Variants in TPO observed in about 807,000 individuals in gnomAD.
TPO encodes thyroid microsomal antigen.
A neutral mutation model predicts 96.9 loss-of-function variants in TPO; 78 were observed. The ratio of observed to expected loss-of-function variants is 0.81; its 90% CI spans 0.67 to 0.97. TPO has a LOEUF of 0.97. TPO is among the 50% of genes least tolerant of loss of function. The pLI is 0.00. For missense variants in TPO, 1,252 were observed against 1,274.8 expected, an observed-to-expected ratio of 0.98 and a Z score of 0.27; for synonymous variants, 547 against 538.0, an observed-to-expected ratio of 1.02 and a Z score of -0.23.
intron 14 of TPO, among the ~76,000 whole-genome samples, chr2:1,516,232 A>G (rs1674689074): frequency 1.3e-5 from 2 of 152,108 alleles, no homozygotes; most frequent in Non-Finnish European, 2.9e-5. Flanking sequence ...CCTCTGTCCC[A>G]TCAGGCCTGC....
In TPO at chr2:1,509,744, G is replaced by GGATACCCCACCCTCTTGTTTCAGC. The variant is rs1573481959; in HGVS notation, c.2518+5667_2518+5668insTACCCCACCCTCTTGTTTCAGCGA. ...GGCACAGCCCACCCTCTTGTTTCAGGGACACCCCACCCCCTTCTTTCAGGG... is the reference window on the plus strand; with the variant it reads ...GGCACAGCCCACCCTCTTGTTTCAGGGATACCCCACCCTCTTGTTTCAGCGACACCCCACCCCCTTCTTTCAGGG... On this transcript the variant is annotated intron_variant, in intron 14 of 16. Transcript: ENST00000329066. 7.0e-5 allele frequency among the ~76,000 whole-genome samples: 10 copies of GGATACCCCACCCTCTTGTTTCAGC among 141,906 alleles called. No homozygotes were observed. In the South Asian group the frequency reaches 1.1e-3, roughly 16 times the overall value. The allele number at this position is 141,906 out of a possible 152,430, so 93.1% of individuals were successfully genotyped here.
At chr2:1,460,369 T>C (rs942838180) in intron 7 of TPO, among the ~76,000 whole-genome samples, 1 of 152,176 alleles carries the variant, frequency 6.6e-6, no homozygotes, top group Admixed American at 6.5e-5. Context: ...CCCAGCTAAG[T>C]GGCTCCCCAG....
At chr2:1,456,000 G>T in intron 6 of TPO, 76 bp from the exon 7 acceptor site, 1 of 1,443,024 alleles carries the variant, frequency 6.9e-7, no homozygotes, top group East Asian at 2.4e-5. Context: ...ACCAGGAAGT[G>T]CATGATCCCA....
Position 1,495,882 on chromosome 2 carries a change from G to A in TPO, c.2007-107G>A, listed in dbSNP as rs28991286. 1,965 of 1,295,908 alleles carry A rather than the reference G, an allele frequency of 1.5e-3. 49 individuals are homozygous for A. The East Asian group carries it at 0.043, about 28-fold the overall frequency. 80.3% of individuals were successfully genotyped at this position (1,295,908 alleles called of 1,614,324 possible). Reference sequence around the variant, plus strand: ...CCGGGTGCTGGGGGTCTGGGCAGACGCCGCAGGAGAGGCTGGCAGCACACA... The same window carrying A: ...CCGGGTGCTGGGGGTCTGGGCAGACACCGCAGGAGAGGCTGGCAGCACACA... On this transcript the variant is annotated intron_variant, in intron 11 of 16. Transcript: ENST00000329066.
chr2:1,470,561 T>C (rs1669305331), intron 7 of TPO, among the ~76,000 whole-genome samples: 1 of 150,666 alleles, frequency 6.6e-6, no homozygotes, highest in Non-Finnish European at 1.5e-5. Flanking sequence ...TTCTATATTT[T>C]ATTTTAAACA....
At chr2:1,381,220 C>A (rs1378470564) in intron 1 of TPO, among the ~76,000 whole-genome samples, 1 of 152,124 alleles carries the variant, frequency 6.6e-6, no homozygotes, top group Admixed American at 6.5e-5. Context: ...TCAGAGTGAA[C>A]AGGCAACCTA....
intron 10 of TPO, among the ~76,000 whole-genome samples, chr2:1,488,780 C>T (rs1315666090): frequency 6.6e-6 from 1 of 152,340 alleles, no homozygotes; most frequent in East Asian, 1.9e-4. Flanking sequence ...TGCCCCGTCC[C>T]TGGGCCTTCC....
chr2:1,513,827 T>C (rs1252856923), intron 14 of TPO, among the ~76,000 whole-genome samples: 1 of 152,122 alleles, frequency 6.6e-6, no homozygotes, highest in East Asian at 1.9e-4. Context: ...ATATATAGTT[T>C]TAGGTACAGA....
upstream of TPO, among the ~76,000 whole-genome samples, chr2:1,408,775 C>T (rs987089775): frequency 1.3e-5 from 2 of 152,278 alleles, no homozygotes; most frequent in Admixed American, 6.5e-5. Flanking sequence ...AGGAAGGACA[C>T]GGGGAAATGC....
At chr2:1,420,863 T>A (rs778253603) in intron 2 of TPO, among the ~76,000 whole-genome samples, 1 of 151,912 alleles carries the variant, frequency 6.6e-6, no homozygotes, top group Non-Finnish European at 1.5e-5. Flanking sequence ...TATGGGGAAA[T>A]TCACACCACA....
At chr2:1,455,922 C>T (rs1667743253) in intron 6 of TPO, among the ~76,000 whole-genome samples, 154 bp from the exon 7 acceptor site, 2 of 152,266 alleles carry the variant, frequency 1.3e-5, no homozygotes, top group South Asian at 2.1e-4. Flanking sequence ...AAAGCTTATG[C>T]TCCTCCTGCC....
intron 15 of TPO, among the ~76,000 whole-genome samples, chr2:1,523,290 CCCCAAATCCCCCCACTGTGAGCAACCT>C (rs1675605282): frequency 1.6e-5 from 1 of 60,700 alleles, no homozygotes; most frequent in Non-Finnish European, 3.3e-5. Flanking sequence ...TGAGCAACCT[CCCCAAATCCCCCCACTGTGAGCAACCT>C]CCCCAAATCC....
At chr2:1,492,406 C>T (rs990219214) in intron 10 of TPO, among the ~76,000 whole-genome samples, 1 of 152,176 alleles carries the variant, frequency 6.6e-6, no homozygotes, top group Non-Finnish European at 1.5e-5. Context: ...CCGCCCGCCT[C>T]GGCCTCCAAA....
At chr2:1,437,837 G>T (rs1363393293) in intron 5 of TPO, among the ~76,000 whole-genome samples, 1 of 142,784 alleles carries the variant, frequency 7.0e-6, no homozygotes, top group African/African-American at 3.0e-5. Context: ...CTGAAGCCTG[G>T]GGGGGGGTCT....
At chr2:1,533,425 G>A (rs1323617416) in intron 15 of TPO, among the ~76,000 whole-genome samples, 1 of 78,724 alleles carries the variant, frequency 1.3e-5, no homozygotes, top group African/African-American at 5.2e-5. Context: ...CCCCCCAAAT[G>A]TGTGCAACCT....
At chr2:1,435,142 C>T (rs901472714) in intron 4 of TPO, among the ~76,000 whole-genome samples, 3 of 152,136 alleles carry the variant, frequency 2.0e-5, no homozygotes, top group Non-Finnish European at 4.4e-5. Flanking sequence ...ACCATGTTAG[C>T]CAGGATGGTC....
intron 15 of TPO, among the ~76,000 whole-genome samples, chr2:1,520,981 G>A (rs1675196447): frequency 6.6e-6 from 1 of 152,108 alleles, no homozygotes; most frequent in South Asian, 2.1e-4. Flanking sequence ...ATTCGCTCTT[G>A]TTTTTATTAT....
chr2:1,524,220 A>C (rs1675882911), intron 15 of TPO, among the ~76,000 whole-genome samples: 1 of 111,492 alleles, frequency 9.0e-6, no homozygotes, highest in African/African-American at 3.7e-5. Context: ...AATCCACCCC[A>C]CTGTGTGCAA....
intron 14 of TPO, among the ~76,000 whole-genome samples, chr2:1,507,759 G>T (rs1398349150): frequency 5.3e-5 from 8 of 152,066 alleles, no homozygotes; most frequent in Non-Finnish European, 1.2e-4. Flanking sequence ...TGCTGAAGTT[G>T]CTTATCAGCT....
Sources: gnomAD v4.1 joint callset for allele counts (sites outside exome capture counted in the v4.1 genomes callset) on GRCh38, gnomAD v4.1.1 for gene constraint, MANE v1.5 for transcripts, NCBI Gene and HGNC (gene_info 2026-07-23, HGNC 2026-07-21) for gene names.